The following UNC13A variants were observed in gnomAD, a reference collection of about 807,000 sequenced individuals.
The protein encoded by UNC13A is unc-13 homolog A, also known as protein unc-13 homolog A.
A neutral mutation model predicts 219.7 loss-of-function variants in UNC13A; 61 were observed. The observed-to-expected ratio is 0.28, with a 90% CI of 0.23 to 0.34. The LOEUF is 0.34. Among genes scored for constraint, UNC13A ranks in the 10% least tolerant of loss-of-function variants. UNC13A has a pLI of 1.00. For missense variants in UNC13A, 1,476 were observed against 2,270.3 expected, an observed-to-expected ratio of 0.65 and a Z score of 7.11; for synonymous variants, 920 against 884.6, an observed-to-expected ratio of 1.04 and a Z score of -0.71.
At chr19:17,611,686 A>G in intron 42 of UNC13A, 77 bp downstream of exon 42, 2 of 1,313,444 alleles carry the variant, frequency 1.5e-6, no homozygotes, top group East Asian at 2.3e-5. Context: ...CAACAAAAAA[A>G]GGGTGTTGCT....
At chr19:17,653,313 C>T (rs1431179869) in intron 11 of UNC13A, among the ~76,000 whole-genome samples, 1 of 149,704 alleles carries the variant, frequency 6.7e-6, no homozygotes, top group African/African-American at 2.5e-5. Context: ...AGCCACCACA[C>T]TCAGCTCCTG....
intron 5 of UNC13A, among the ~76,000 whole-genome samples, chr19:17,668,414 G>T (rs2145898573): frequency 6.6e-6 from 1 of 152,330 alleles, no homozygotes; most frequent in South Asian, 2.1e-4. Flanking sequence ...ATGGAGAATA[G>T]TTGGAGGATG....
chr19:17,670,137 G>C (rs1185028166), intron 4 of UNC13A, among the ~76,000 whole-genome samples: 1 of 151,618 alleles, frequency 6.6e-6, no homozygotes, highest in South Asian at 2.1e-4. Context: ...TAGTAGAGAC[G>C]GGGTTTCACC....
At chr19:17,606,656 A>T (rs2076534529) in intron 43 of UNC13A, among the ~76,000 whole-genome samples, 1 of 151,400 alleles carries the variant, frequency 6.6e-6, no homozygotes, top group Non-Finnish European at 1.5e-5. Context: ...ACCGCCCTGC[A>T]AGGCCATGCT....
At chr19:17,684,957 A>G (rs2080082281) in intron 1 of UNC13A, among the ~76,000 whole-genome samples, 1 of 152,054 alleles carries the variant, frequency 6.6e-6, no homozygotes, top group Admixed American at 6.6e-5. Flanking sequence ...TGGCAGCTGT[A>G]TTTGTTTATC....
At chr19:17,670,443 A>G (rs1283430254) in intron 4 of UNC13A, among the ~76,000 whole-genome samples, 2 of 149,126 alleles carry the variant, frequency 1.3e-5, no homozygotes, top group Non-Finnish European at 3.0e-5. Flanking sequence ...GGGTTTCACC[A>G]TGTTGCCCAG....
chr19:17,665,390 A>C (rs187355013), intron 7 of UNC13A, among the ~76,000 whole-genome samples: 7 of 152,294 alleles, frequency 4.6e-5, no homozygotes, highest in African/African-American at 1.7e-4. Flanking sequence ...ATCCATGAAA[A>C]GACCTGGTCT....
At chr19:17,618,259 C>T (rs1197589007) in intron 40 of UNC13A, among the ~76,000 whole-genome samples, 162 bp downstream of exon 40, 3 of 152,248 alleles carry the variant, frequency 2.0e-5, no homozygotes, top group Non-Finnish European at 4.4e-5. Context: ...CTCCTTAAGG[C>T]TCCAGCATTA....
intron 9 of UNC13A, among the ~76,000 whole-genome samples, chr19:17,656,611 G>C (rs1346987472): frequency 3.9e-5 from 6 of 152,182 alleles, no homozygotes; most frequent in Non-Finnish European, 1.5e-5. Flanking sequence ...CAGCACTTTG[G>C]GAGGCTGAGG....
At chr19:17,608,795 T>C (rs71332111) in intron 43 of UNC13A, among the ~76,000 whole-genome samples, 5 of 151,318 alleles carry the variant, frequency 3.3e-5, no homozygotes, top group African/African-American at 4.9e-5. Flanking sequence ...GGATTACAGG[T>C]GTGAGCCACC....
intron 1 of UNC13A, among the ~76,000 whole-genome samples, chr19:17,684,116 C>T (rs1050681797): frequency 6.6e-6 from 1 of 152,170 alleles, no homozygotes. Context: ...CAAAACAAAA[C>T]ATCAAGTGGC....
intron 35 of UNC13A, 132 bp from the exon 36 acceptor site, chr19:17,623,679 A>G (rs10419420): frequency 0.95 from 468,603 of 493,028 alleles, 225,981 homozygotes; most frequent in Middle Eastern, 1. Flanking sequence ...CCAGCCCAGA[A>G]GAGGTGGAAG....
At chr19:17,619,912 C>T (rs1322760864) in intron 38 of UNC13A, among the ~76,000 whole-genome samples, 1 of 152,224 alleles carries the variant, frequency 6.6e-6, no homozygotes, top group East Asian at 1.9e-4. Context: ...CTTAACCTCT[C>T]TGAGCCTCAG....
In UNC13A at chr19:17,602,377, T is replaced by C. The variant is rs2076474537; in HGVS notation, c.*3677A>G. ...CCCTCTGTCTCTGTGTTTTCTACTC[T>C]ATTCCTCTTGGTCAGGGGACTTTGA... On this transcript the variant is annotated 3_prime_UTR_variant, in exon 44 of 44. Coordinates refer to ENST00000519716, the MANE Select transcript of UNC13A (RefSeq NM_001080421.3). 1 of 152,332 alleles carries C rather than the reference T, an allele frequency of 6.6e-6. No homozygotes were observed. The highest frequency in any genetic ancestry group is 1.5e-5 in the Non-Finnish European group (1 of 68,094). The allele number at this position is 152,332 out of a possible 1,614,324, so 9.4% of individuals were successfully genotyped here.
intron 4 of UNC13A, among the ~76,000 whole-genome samples, chr19:17,671,488 C>T (rs553486819): frequency 2.0e-5 from 3 of 152,040 alleles, no homozygotes; most frequent in East Asian, 3.9e-4. Context: ...GACATGACCA[C>T]GGCCTGGCAT....
intron 12 of UNC13A, among the ~76,000 whole-genome samples, chr19:17,651,704 C>T (rs1459039118): frequency 1.3e-5 from 2 of 152,162 alleles, no homozygotes; most frequent in East Asian, 1.9e-4. Context: ...CCCGAGAGCA[C>T]ATCCTTCATA....
chr19:17,673,703 A>C (rs967379196), intron 3 of UNC13A, among the ~76,000 whole-genome samples: 4 of 145,592 alleles, frequency 2.7e-5, no homozygotes, highest in Non-Finnish European at 4.6e-5. Context: ...AAAACAAAAC[A>C]AAAAAAAAAG....
intron 11 of UNC13A, 69 bp downstream of exon 11, chr19:17,655,205 A>C (rs2079426655): frequency 3.0e-6 from 4 of 1,336,114 alleles, no homozygotes; most frequent in Non-Finnish European, 4.2e-6. Context: ...TGGCCAAAAC[A>C]TGTGTGGGCC....
At chr19:17,631,222 TCTTCCTTC>T (rs1205753437) in intron 28 of UNC13A, among the ~76,000 whole-genome samples, 6 of 32,334 alleles carry the variant, frequency 1.9e-4, no homozygotes, top group Non-Finnish European at 3.5e-4. Flanking sequence ...CTTCCTTCCT[TCTTCCTTC>T]CTTCCTTCCT....
Sources: gnomAD v4.1 joint callset for allele counts (sites outside exome capture counted in the v4.1 genomes callset) on GRCh38, gnomAD v4.1.1 for gene constraint, MANE v1.5 for transcripts, NCBI Gene and HGNC (gene_info 2026-07-23, HGNC 2026-07-21) for gene names.